ZBBX: variants seen among roughly 807,000 people sequenced by gnomAD.
ZBBX encodes the protein zinc finger B-box domain containing, also known as zinc finger B-box domain-containing protein 1.
Under a neutral mutation model 108.5 loss-of-function variants are expected in ZBBX, and 101 were observed. The ratio of observed to expected loss-of-function variants is 0.93; its 90% CI spans 0.79 to 1.10. The LOEUF (loss-of-function observed/expected upper bound fraction) is 1.10. Ranked by LOEUF, ZBBX falls within the 50% of genes least tolerant of loss-of-function variation. The pLI is 0.00. For missense variants in ZBBX, 1,009 were observed against 941.4 expected, an observed-to-expected ratio of 1.07 and a Z score of -0.94; for synonymous variants, 356 against 323.4, an observed-to-expected ratio of 1.10 and a Z score of -1.08.
At chr3:167,352,423 G>A (rs1304942202) in intron 8 of ZBBX, among the ~76,000 whole-genome samples, 1 of 151,914 alleles carries the variant, frequency 6.6e-6, no homozygotes, top group East Asian at 1.9e-4. Context: ...GCCTCTCAAG[G>A]TTGAAACAGG....
At chr3:167,273,604 C>G (rs1726935841) in intron 20 of ZBBX, among the ~76,000 whole-genome samples, 1 of 152,008 alleles carries the variant, frequency 6.6e-6, no homozygotes, top group East Asian at 2.0e-4. Flanking sequence ...AGGAGCTTAC[C>G]CATCAGTCGC....
intron 1 of ZBBX, among the ~76,000 whole-genome samples, chr3:167,405,384 G>A (rs181801213): frequency 3.9e-5 from 6 of 152,198 alleles, no homozygotes; most frequent in Admixed American, 1.3e-4. Flanking sequence ...ATGAGATAAC[G>A]AGACAGGAAC....
the ZBBX span, among the ~76,000 whole-genome samples, chr3:167,207,530 T>A: frequency 6.7e-4 from 102 of 152,272 alleles, no homozygotes; most frequent in African/African-American, 1.9e-3. Context: ...CACACTTTTT[T>A]AAAATGTGGT....
At chr3:167,306,857 A>G (rs1221624521) in intron 16 of ZBBX, among the ~76,000 whole-genome samples, 1 of 152,194 alleles carries the variant, frequency 6.6e-6, no homozygotes, top group East Asian at 1.9e-4. Flanking sequence ...ATATCTCTAT[A>G]AGTAGACTAT....
chr3:167,240,822 T>C lies in ZBBX; in HGVS notation c.2491A>G (p.Ile831Val), dbSNP rs370320864. 3 of 1,613,584 alleles carry C rather than the reference T, an allele frequency of 1.9e-6. No individual in the cohort carries two copies. The highest frequency in any genetic ancestry group is 2.5e-6 in the Non-Finnish European group (3 of 1,179,582). ...EEDFLNKQHVITLPWSKST is the reference protein window; with the variant it reads ...EEDFLNKQHVVTLPWSKST ...GTACTCTTTGACCACGGTAGTGTGA[T>C]GACATGTTGCTTGTTGAGAAAATCT... Residue 831 changes from isoleucine to valine, a missense_variant, in exon 22 of 22, where the codon ATC (isoleucine) becomes GTC (valine). Coordinates refer to ENST00000675490, the MANE Select transcript of ZBBX (RefSeq NM_001199201.2).
intron 20 of ZBBX, among the ~76,000 whole-genome samples, chr3:167,263,034 TC>T (rs199801647): frequency 0.29 from 36,713 of 128,504 alleles, 5,811 homozygotes; most frequent in East Asian, 0.61. Context: ...CTTTTCTAGT[TC>T]TTTTTTTTTT....
chr3:167,247,905 C>T (rs1234139431), intron 20 of ZBBX, among the ~76,000 whole-genome samples: 1 of 152,218 alleles, frequency 6.6e-6, no homozygotes, highest in African/African-American at 2.4e-5. Flanking sequence ...CCCTTCAAAA[C>T]TCTGCCCTTA....
chr3:167,314,003 C>A lies in ZBBX; in HGVS notation c.1388G>T (p.Ser463Ile). 1.9e-6 allele frequency: 3 copies of A among 1,602,882 alleles called. No individual in the cohort carries two copies. The highest frequency in any genetic ancestry group is 2.6e-6 in the Non-Finnish European group (3 of 1,174,996). ...RDFLNLCLRNSSTYYKDNSKA... is the reference protein window; with the variant it reads ...RDFLNLCLRNISTYYKDNSKA... ...TGAATTATCTTTATAATAAGTAGAG[C>A]TGTTTCTCAGACAAAGATTTAAGAA... The change falls in exon 16 of 22, where the codon AGC becomes ATC. Residue 463 changes from serine to isoleucine, a missense_variant. Coordinates refer to ENST00000675490, the MANE Select transcript of ZBBX (RefSeq NM_001199201.2).
At chr3:167,197,572 T>G in the ZBBX span, among the ~76,000 whole-genome samples, 2 of 152,116 alleles carry the variant, frequency 1.3e-5, no homozygotes, top group Admixed American at 1.3e-4. Context: ...GAATTTAAAA[T>G]GTAACTTGTC....
intron 20 of ZBBX, among the ~76,000 whole-genome samples, chr3:167,273,444 T>C (rs1409444037): frequency 6.6e-6 from 1 of 152,162 alleles, no homozygotes; most frequent in Non-Finnish European, 1.5e-5. Flanking sequence ...CTCTCTCTGC[T>C]ATATCCCAAA....
intron 19 of ZBBX, among the ~76,000 whole-genome samples, chr3:167,286,941 C>A (rs1475572769): frequency 6.6e-6 from 1 of 152,070 alleles, no homozygotes; most frequent in Non-Finnish European, 1.5e-5. Flanking sequence ...CAGAGCCAGG[C>A]AATTTTTAGT....
the ZBBX span, among the ~76,000 whole-genome samples, chr3:167,203,452 T>C: frequency 1.3e-5 from 2 of 152,108 alleles, no homozygotes; most frequent in Admixed American, 1.3e-4. Flanking sequence ...ACCAATTATA[T>C]GCAGAAAAAA....
At chr3:167,200,202 C>T in the ZBBX span, among the ~76,000 whole-genome samples, 1 of 152,142 alleles carries the variant, frequency 6.6e-6, no homozygotes, top group East Asian at 1.9e-4. Flanking sequence ...GTCACATTCT[C>T]AGGGTCTAGG....
chr3:167,181,819 C>G, the ZBBX span, among the ~76,000 whole-genome samples: 3 of 152,178 alleles, frequency 2.0e-5, no homozygotes, highest in Non-Finnish European at 2.9e-5. Context: ...CTAGACCTAC[C>G]TAGAAGTAAT....
At chr3:167,297,918 A>T (rs1731958211) in intron 18 of ZBBX, among the ~76,000 whole-genome samples, 1 of 152,054 alleles carries the variant, frequency 6.6e-6, no homozygotes, top group Non-Finnish European at 1.5e-5. Context: ...AAGAATATGT[A>T]ATAATCGGAA....
At chr3:167,308,918 A>G (rs1734116497) in intron 16 of ZBBX, among the ~76,000 whole-genome samples, 1 of 152,136 alleles carries the variant, frequency 6.6e-6, no homozygotes, top group African/African-American at 2.4e-5. Context: ...TTACCTATGT[A>G]ACAAAACTAC....
rs185704577 is a variant in ZBBX at position 167,351,871 on chromosome 3, A to C, written c.433-1356T>G. ...CTGGTGCATTCAGATCAAGCACCCC[A>C]TTCCTGTCAGTCTCTCCCAAAACTG... On this transcript the variant is annotated intron_variant, in intron 8 of 21. Coordinates refer to ENST00000675490, the MANE Select transcript of ZBBX (RefSeq NM_001199201.2). 1.8e-4 allele frequency among the ~76,000 whole-genome samples: 27 copies of C among 152,238 alleles called. 1 individual carries two copies. In the East Asian group the frequency reaches 5.2e-3, roughly 30 times the overall value.
At chr3:167,295,727 A>G (rs1731537852) in intron 18 of ZBBX, among the ~76,000 whole-genome samples, 1 of 12,222 alleles carries the variant, frequency 8.2e-5, no homozygotes, top group Non-Finnish European at 1.6e-4. Flanking sequence ...ATATATATAT[A>G]TATATATATA....
the ZBBX span, among the ~76,000 whole-genome samples, chr3:167,220,031 T>A: frequency 6.6e-6 from 1 of 151,902 alleles, no homozygotes; most frequent in Non-Finnish European, 1.5e-5. Context: ...ACATTCAACC[T>A]ACCAAGATTG....
Sources: gnomAD v4.1 joint callset for allele counts (sites outside exome capture counted in the v4.1 genomes callset) on GRCh38, gnomAD v4.1.1 for gene constraint, MANE v1.5 for transcripts, NCBI Gene and HGNC (gene_info 2026-07-23, HGNC 2026-07-21) for gene names.